DNAJB4: variants seen among roughly 807,000 people sequenced by gnomAD.
The protein encoded by DNAJB4 is dnaJ homolog subfamily B member 4.
In DNAJB4, 10 loss-of-function variants were observed where a neutral mutation model predicts 26.6. The observed-to-expected ratio is 0.38, with a 90% CI of 0.23 to 0.64. DNAJB4 has a LOEUF of 0.64. Ranked by LOEUF, DNAJB4 falls within the 30% of genes least tolerant of loss-of-function variation. The pLI, the probability that DNAJB4 is intolerant of heterozygous loss-of-function variation, is 0.58. For synonymous variants in DNAJB4, 136 were observed against 134.8 expected, an observed-to-expected ratio of 1.01 and a Z score of -0.06; for missense variants, 328 against 408.2, an observed-to-expected ratio of 0.80 and a Z score of 1.69.
At chr1:77,997,912 T>C (rs1330520474) in intron 1 of DNAJB4, among the ~76,000 whole-genome samples, 1 of 152,102 alleles carries the variant, frequency 6.6e-6, no homozygotes, top group African/African-American at 2.4e-5. Flanking sequence ...CTCAGCCTCC[T>C]GAGTAGCTGA....
At chr1:78,008,169 A>G (rs940337760) in intron 1 of DNAJB4, among the ~76,000 whole-genome samples, 5 of 152,212 alleles carry the variant, frequency 3.3e-5, no homozygotes. Context: ...AGCCTTTGCA[A>G]CATAGCAAGA....
intron 1 of DNAJB4, among the ~76,000 whole-genome samples, chr1:77,989,030 C>A (rs529253009): frequency 5.3e-5 from 8 of 152,314 alleles, no homozygotes; most frequent in Middle Eastern, 3.4e-3. Context: ...TGAACTACCA[C>A]CATTCTTATC....
intron 1 of DNAJB4, among the ~76,000 whole-genome samples, chr1:77,988,354 T>C (rs1175012139): frequency 6.6e-6 from 1 of 152,132 alleles, no homozygotes; most frequent in Non-Finnish European, 1.5e-5. Context: ...TTGCCCACCG[T>C]CTTTCCCACG....
At chr1:77,979,540 G>A (rs550393711), upstream of DNAJB4, 1 of 154,232 alleles carries the variant, frequency 6.5e-6, no homozygotes, top group Non-Finnish European at 1.4e-5. Context: ...GGCGCCAGGA[G>A]AAGTGCGTCC....
upstream of DNAJB4, chr1:77,979,343 T>G (rs1368529056): frequency 3.7e-6 from 1 of 272,858 alleles, no homozygotes; most frequent in Admixed American, 4.9e-5. Flanking sequence ...AGTGGCCAGT[T>G]GACTGCGACT....
intron 1 of DNAJB4, 152 bp from the exon 2 acceptor site, chr1:78,012,899 T>C (rs372085580): frequency 5.8e-5 from 32 of 550,376 alleles, no homozygotes; most frequent in African/African-American, 5.8e-4. Flanking sequence ...AAGAGTTTTA[T>C]AGCTGTTCTG....
Position 77,980,946 on chromosome 1 carries a change from A to C in DNAJB4, c.-32+624A>C, listed in dbSNP as rs188705271. On this transcript the variant is annotated intron_variant, in intron 1 of 2. Coordinates refer to the DNAJB4 transcript ENST00000426517. ...ATTTAATCATAATGTATAGAAAAAC[A>C]GTAAAAGCAGTGTTGGGTGTGCGGC... 1.2e-3 allele frequency among the ~76,000 whole-genome samples: 182 copies of C among 152,320 alleles called. 1 individual carries two copies. The highest frequency in any genetic ancestry group is 2.1e-3 in the Non-Finnish European group (145 of 68,018).
At chr1:78,003,190 T>C (rs190468168), upstream of DNAJB4, among the ~76,000 whole-genome samples, 149 of 152,308 alleles carry the variant, frequency 9.8e-4, no homozygotes, top group Admixed American at 1.2e-3. Context: ...TACTGATCCT[T>C]GCACTGGATT....
At chr1:78,007,554 C>T (rs1660361291) in intron 1 of DNAJB4, among the ~76,000 whole-genome samples, 1 of 151,872 alleles carries the variant, frequency 6.6e-6, no homozygotes, top group Non-Finnish European at 1.5e-5. Flanking sequence ...GCACTTCAGC[C>T]TGGGCGACAG....
At chr1:78,002,446 G>A (rs1048671647), upstream of DNAJB4, among the ~76,000 whole-genome samples, 2 of 152,130 alleles carry the variant, frequency 1.3e-5, no homozygotes, top group African/African-American at 4.8e-5. Flanking sequence ...AAAATGCTAT[G>A]TACTTTTAAA....
upstream of DNAJB4, chr1:78,004,912 A>T: frequency 1.7e-6 from 1 of 601,726 alleles, no homozygotes; most frequent in Non-Finnish European, 2.9e-6. Flanking sequence ...TGTAGTGTAT[A>T]TTTATCTGTA....
chr1:77,981,612 A>G (rs1659650025), intron 1 of DNAJB4, among the ~76,000 whole-genome samples: 1 of 152,124 alleles, frequency 6.6e-6, no homozygotes, highest in South Asian at 2.1e-4. Context: ...GCGCCCAGCC[A>G]CAATAAAATT....
chr1:78,015,224 T>C (rs560567908), intron 2 of DNAJB4, among the ~76,000 whole-genome samples: 1 of 152,314 alleles, frequency 6.6e-6, no homozygotes, highest in Non-Finnish European at 1.5e-5. Context: ...ATATAGTAAA[T>C]GCTCAGTAAA....
chr1:78,004,878 G>A (rs967403845), upstream of DNAJB4: 2 of 518,102 alleles, frequency 3.9e-6, no homozygotes, highest in Admixed American at 3.5e-5. Context: ...AAAATGGGAG[G>A]ATCTAGAAGG....
Position 78,013,403 on chromosome 1 carries a change from T to A in DNAJB4, c.564T>A (p.Ala188=). 1 of 1,614,184 alleles carries A rather than the reference T, an allele frequency of 6.2e-7. No individual in the cohort carries two copies. Among genetic ancestry groups the A allele is most frequent in the Non-Finnish European group, 8.5e-7 (1 of 1,180,032 alleles). ...AGATTTCTCGAAAAAGGCTAAACGC[T>A]GATGGAAGGAGTTACAGATCTGAGG... ...RMKISRKRLN[A]DGRSYRSEDK... The change falls in exon 2 of 3, where the codon GCT becomes GCA. Residue 188 remains alanine (A), a synonymous_variant. Coordinates refer to ENST00000370763, the MANE Select transcript of DNAJB4 (RefSeq NM_007034.5).
intron 1 of DNAJB4, among the ~76,000 whole-genome samples, chr1:77,994,786 C>T (rs915369666): frequency 5.3e-5 from 8 of 152,054 alleles, no homozygotes; most frequent in African/African-American, 1.4e-4. Context: ...TAAATACATT[C>T]CTACTACCTT....
chr1:77,990,373 C>A (rs916862183), intron 1 of DNAJB4, among the ~76,000 whole-genome samples: 1 of 152,214 alleles, frequency 6.6e-6, no homozygotes, highest in Admixed American at 6.5e-5. Context: ...TTGTCTCCAA[C>A]TAATATTTCT....
intron 1 of DNAJB4, among the ~76,000 whole-genome samples, chr1:78,010,867 A>G (rs147817982): frequency 0.017 from 2,543 of 151,986 alleles, 21 homozygotes; most frequent in Admixed American, 0.023. Context: ...TTTAGTTTTG[A>G]TTTAGAAGGA....
In DNAJB4 at chr1:77,988,643, C is replaced by T. The variant is rs537100006; in HGVS notation, c.-32+8321C>T. ...TACCATATGGATGCATAGCTTTCCT[C>T]CTTTCCTTTCAGATTGTAGTGCTAA... On this transcript the variant is annotated intron_variant, in intron 1 of 2. Coordinates refer to the DNAJB4 transcript ENST00000426517. 3.3e-5 allele frequency among the ~76,000 whole-genome samples: 5 copies of T among 152,306 alleles called. No individual in the cohort carries two copies. In the South Asian group the frequency reaches 8.3e-4, roughly 25 times the overall value.
Sources: allele counts gnomAD v4.1 joint callset (sites outside exome capture counted in the v4.1 genomes callset), GRCh38; gene constraint gnomAD v4.1.1; transcripts MANE v1.5; gene names NCBI Gene and HGNC (gene_info 2026-07-23, HGNC 2026-07-21).